PPP2R2C: variants seen among roughly 807,000 people sequenced by gnomAD.
PPP2R2C encodes protein phosphatase 2 regulatory subunit Bgamma, also known as protein phosphatase 2, regulatory subunit B, gamma.
In PPP2R2C, 10 loss-of-function variants were observed where a neutral mutation model predicts 45.3. The observed-to-expected ratio is 0.22, with a 90% CI of 0.14 to 0.37. The LOEUF is 0.37. PPP2R2C is among the 10% of genes least tolerant of loss of function. PPP2R2C has a pLI of 1.00. For missense variants in PPP2R2C, 308 were observed against 619.7 expected, an observed-to-expected ratio of 0.50 and a Z score of 5.34; for synonymous variants, 257 against 245.4, an observed-to-expected ratio of 1.05 and a Z score of -0.44.
chr4:6,411,503 G>A (rs890984103), intron 1 of PPP2R2C, among the ~76,000 whole-genome samples: 17 of 151,516 alleles, frequency 1.1e-4, no homozygotes, highest in Non-Finnish European at 2.1e-4. Flanking sequence ...TCTTGTTGGT[G>A]CCTCTTAAGT....
chr4:6,355,335 T>A (rs905789748), intron 5 of PPP2R2C, among the ~76,000 whole-genome samples: 9 of 150,990 alleles, frequency 6.0e-5, no homozygotes, highest in African/African-American at 2.2e-4. Context: ...GTCCCCAGAG[T>A]GTGATATTCC....
At chr4:6,341,602 G>T (rs769225844) in intron 6 of PPP2R2C, among the ~76,000 whole-genome samples, 28 of 152,118 alleles carry the variant, frequency 1.8e-4, no homozygotes, top group Non-Finnish European at 3.8e-4. Flanking sequence ...ATCTCACATG[G>T]CAAAAGGGGC....
chr4:6,455,761 C>T (rs992349979), intron 1 of PPP2R2C, among the ~76,000 whole-genome samples: 4 of 152,182 alleles, frequency 2.6e-5, no homozygotes, highest in African/African-American at 4.8e-5. Flanking sequence ...TGTAAGTGAA[C>T]GCTCCACCAA....
rs1157833673 is a variant in PPP2R2C, at chr4:6,375,689, C to T, written c.447+130G>A. ...CAAGGGGCAGGAAGACGCCCGTGGC[C>T]GCCCAGCAGCCAGCAGCCCAACCAG... On this transcript the variant is annotated intron_variant, in intron 4 of 8. Transcript: ENST00000382599. 3.7e-5 allele frequency: 27 copies of T among 737,404 alleles called. 1 individual carries two copies. Among genetic ancestry groups the T allele is most frequent in the East Asian group, 3.4e-4 (13 of 37,800 alleles). The allele number at this position is 737,404 out of a possible 1,614,324, so 45.7% of individuals were successfully genotyped here.
chr4:6,482,869 C>T (rs545766168), intron 2 of PPP2R2C, among the ~76,000 whole-genome samples: 2 of 152,256 alleles, frequency 1.3e-5, no homozygotes, highest in East Asian at 1.9e-4. Flanking sequence ...TGCCCTTTCT[C>T]GGGTTGAGTA....
At chr4:6,457,375 T>A (rs114180013) in intron 1 of PPP2R2C, among the ~76,000 whole-genome samples, 2 of 151,602 alleles carry the variant, frequency 1.3e-5, no homozygotes, top group East Asian at 3.9e-4. Flanking sequence ...GCACTGGGAA[T>A]TTTTTTTTCT....
rs572268305 is a variant in PPP2R2C at position 6,324,426 on chromosome 4, C to G, written c.1053-833G>C. Among the ~76,000 whole-genome samples the G allele has an allele frequency of 2.3e-5, 3 of 132,370 alleles. No homozygotes were observed. The highest frequency in any genetic ancestry group is 8.4e-5 in the African/African-American group (3 of 35,914). 86.8% of individuals were successfully genotyped at this position (132,370 alleles called of 152,430 possible). ...AGCCTGGGCAATAAGAGCAAAACTC[C>G]GTCTCGAAAAAAGAAAAGAAAAGAA... On this transcript the variant is annotated intron_variant, in intron 8 of 8. Transcript: ENST00000382599. This position sits in a 1 kb window ranked among gnomAD's most constrained non-coding sequence, Gnocchi z 4.1.
chr4:6,414,128 GTAAA>G, intron 1 of PPP2R2C: 1 of 1,197,136 alleles, frequency 8.4e-7, no homozygotes, highest in South Asian at 2.1e-5. Flanking sequence ...GTGTGTACAG[GTAAA>G]TAAACATTGA....
intron 3 of PPP2R2C, among the ~76,000 whole-genome samples, chr4:6,377,953 G>C (rs1364905982): frequency 6.6e-6 from 1 of 152,218 alleles, no homozygotes. Context: ...CAAGGCCGCG[G>C]TGACAGCCCC....
At chr4:6,559,549 A>T (rs890924274) in intron 1 of PPP2R2C, among the ~76,000 whole-genome samples, 2 of 152,102 alleles carry the variant, frequency 1.3e-5, no homozygotes, top group African/African-American at 4.8e-5. Context: ...CCCCATGCAT[A>T]ACTTCCTCCA....
intron 1 of PPP2R2C, among the ~76,000 whole-genome samples, chr4:6,410,553 G>A (rs1165892538): frequency 2.0e-5 from 3 of 152,202 alleles, no homozygotes; most frequent in Non-Finnish European, 4.4e-5. Flanking sequence ...GGCACGCCAG[G>A]TGGTAGGTAC....
At chr4:6,354,471 C>T (rs1712956860) in intron 5 of PPP2R2C, among the ~76,000 whole-genome samples, 1 of 152,130 alleles carries the variant, frequency 6.6e-6, no homozygotes, top group African/African-American at 2.4e-5. Context: ...GCCAGCTCCA[C>T]CTCCTGATTC....
intron 2 of PPP2R2C, among the ~76,000 whole-genome samples, chr4:6,523,015 C>G (rs983267093): frequency 1.3e-5 from 2 of 152,230 alleles, no homozygotes; most frequent in African/African-American, 4.8e-5. Context: ...GCTCCGAACT[C>G]AAGCCTTGGG....
chr4:6,390,615 C>T (rs2240268), intron 1 of PPP2R2C, among the ~76,000 whole-genome samples: 71,188 of 152,060 alleles, frequency 0.47, 16,747 homozygotes, highest in South Asian at 0.58. Flanking sequence ...TGGACATCAG[C>T]ACTGAGTGAG....
At chr4:6,432,755 A>G (rs1219648219) in intron 1 of PPP2R2C, among the ~76,000 whole-genome samples, 1 of 152,226 alleles carries the variant, frequency 6.6e-6, no homozygotes, top group Non-Finnish European at 1.5e-5. Context: ...ACTGCCAAAT[A>G]AGTTAGGAAA....
chr4:6,505,490 A>G (rs1723194668), intron 2 of PPP2R2C, among the ~76,000 whole-genome samples: 1 of 152,258 alleles, frequency 6.6e-6, no homozygotes, highest in African/African-American at 2.4e-5. Flanking sequence ...TAGCAAAAGG[A>G]TGAAGGAGGA....
At position 6,330,987 on chromosome 4, in the gene PPP2R2C, G is replaced by A. The variant is rs534985250; in HGVS notation, c.961-1634C>T. Among the ~76,000 whole-genome samples the A allele has an allele frequency of 7.9e-5, 12 of 152,280 alleles. No individual in the cohort carries two copies. Among genetic ancestry groups the A allele is most frequent in the African/African-American group, 2.2e-4 (9 of 41,566 alleles). On this transcript the variant is annotated intron_variant, in intron 7 of 8. Coordinates refer to ENST00000382599, the MANE Select transcript of PPP2R2C (RefSeq NM_020416.4). The surrounding 1 kb of genome is among the most constrained non-coding windows in gnomAD (Gnocchi z 7.0). ...GTCTGGGACCCTCGAGGGTGAGGCC[G>A]AGGTTCTTCCTTCTCTCTGGGTCCA...
At chr4:6,374,104 T>G (rs990576401) in intron 4 of PPP2R2C, among the ~76,000 whole-genome samples, 2 of 152,156 alleles carry the variant, frequency 1.3e-5, no homozygotes, top group African/African-American at 4.8e-5. Flanking sequence ...TAACCTTCCC[T>G]TCCTTCGGGG....
Position 6,339,292 on chromosome 4 carries a change from T to C in PPP2R2C, c.791-5561A>G, listed in dbSNP as rs77336610. On this transcript the variant is annotated intron_variant, in intron 6 of 8. Coordinates refer to ENST00000382599, the MANE Select transcript of PPP2R2C (RefSeq NM_020416.4). ...TCCTGCCTTGGTCATTAGTCACTGA[T>C]CATCTTGGCGCCCCTGCCTAGCACA... is the stretch of plus-strand genomic sequence containing the variant. 5.8e-3 allele frequency among the ~76,000 whole-genome samples: 887 copies of C among 152,282 alleles called. 11 individuals carry two copies. The highest frequency in any genetic ancestry group is 0.02 in the African/African-American group (826 of 41,568).
Sources: gnomAD v4.1 joint callset for allele counts (sites outside exome capture counted in the v4.1 genomes callset) on GRCh38, gnomAD v4.1.1 for gene constraint, Gnocchi (gnomAD v3.1) non-coding constraint, MANE v1.5 for transcripts, NCBI Gene and HGNC (gene_info 2026-07-23, HGNC 2026-07-21) for gene names.